The following LINGO2 variants were observed in gnomAD, a reference collection of about 807,000 sequenced individuals.
LINGO2 encodes the protein leucine-rich repeat and immunoglobulin-like domain-containing nogo receptor-interacting protein 2.
In LINGO2, 14 loss-of-function variants were observed where a neutral mutation model predicts 30.6. The observed-to-expected ratio is 0.46, with a 90% CI of 0.30 to 0.72. The LOEUF is 0.72. Ranked by LOEUF, LINGO2 falls within the 30% of genes least tolerant of loss-of-function variation. The pLI is 0.07. For synonymous variants in LINGO2, 317 were observed against 288.5 expected (o/e 1.10, Z -1.00); for missense variants, 729 against 751.7 (o/e 0.97, Z 0.35).
chr9:28,238,928 ATAAT>A (rs1277787934), intron 4 of LINGO2, among the ~76,000 whole-genome samples: 1 of 152,136 alleles, frequency 6.6e-6, no homozygotes, highest in East Asian at 1.9e-4. Flanking sequence ...GGAGACCCAA[ATAAT>A]TAAAACCAGA....
chr9:28,587,698 C>A (rs1363612585), intron 1 of LINGO2, among the ~76,000 whole-genome samples: 4 of 151,584 alleles, frequency 2.6e-5, no homozygotes, highest in African/African-American at 9.7e-5. Flanking sequence ...GAATAGATGC[C>A]ACGTAGGCCA....
chr9:28,124,781 G>T (rs1259969572), intron 4 of LINGO2, among the ~76,000 whole-genome samples: 1 of 152,148 alleles, frequency 6.6e-6, no homozygotes, highest in Non-Finnish European at 1.5e-5. Context: ...TACAGGAAAA[G>T]AAAAACAGGA....
chr9:28,166,822 T>C (rs1828440448), intron 4 of LINGO2, among the ~76,000 whole-genome samples: 1 of 152,144 alleles, frequency 6.6e-6, no homozygotes, highest in Non-Finnish European at 1.5e-5. Context: ...AGTGAATTTA[T>C]GGATTCTATC....
chr9:28,675,147 G>C (rs915426960), upstream of LINGO2, among the ~76,000 whole-genome samples: 1 of 152,142 alleles, frequency 6.6e-6, no homozygotes, highest in African/African-American at 2.4e-5. Context: ...AATTATGTGA[G>C]AAAGGCGGTA....
At chr9:29,076,621 AT>A in the LINGO2 span, among the ~76,000 whole-genome samples, 11 of 95,640 alleles carry the variant, frequency 1.2e-4, no homozygotes, top group Non-Finnish European at 2.1e-4. Context: ...AATAGATATA[AT>A]AAATAAATAA....
chr9:28,725,159 C>T, the LINGO2 span, among the ~76,000 whole-genome samples: 1 of 151,618 alleles, frequency 6.6e-6, no homozygotes, highest in Non-Finnish European at 1.5e-5. Flanking sequence ...GAAATAAAGG[C>T]CAATATGAAC....
the LINGO2 span, among the ~76,000 whole-genome samples, chr9:28,776,749 A>T: frequency 1.3e-5 from 2 of 152,160 alleles, no homozygotes; most frequent in African/African-American, 4.8e-5. Flanking sequence ...TGGTCAAGTA[A>T]ATAAGCAATA....
At chr9:28,040,999 CAG>C (rs1415451817) in intron 4 of LINGO2, among the ~76,000 whole-genome samples, 1 of 152,170 alleles carries the variant, frequency 6.6e-6, no homozygotes, top group Non-Finnish European at 1.5e-5. Flanking sequence ...GTATCTATAG[CAG>C]AGAGGACTTC....
At chr9:28,639,819 C>T (rs897137394) in intron 1 of LINGO2, among the ~76,000 whole-genome samples, 6 of 152,144 alleles carry the variant, frequency 3.9e-5, no homozygotes, top group African/African-American at 1.4e-4. Context: ...AGCCTATTTA[C>T]ATTTAAGGTT....
At chr9:29,052,802 A>G in the LINGO2 span, among the ~76,000 whole-genome samples, 1 of 152,088 alleles carries the variant, frequency 6.6e-6, no homozygotes, top group East Asian at 1.9e-4. Flanking sequence ...TCCATTCAAT[A>G]TTTACATTAG....
At chr9:28,169,398 A>G (rs537285387) in intron 4 of LINGO2, among the ~76,000 whole-genome samples, 3 of 152,352 alleles carry the variant, frequency 2.0e-5, no homozygotes, top group African/African-American at 7.2e-5. Flanking sequence ...AGAATTTCCA[A>G]TCAGAATAAG....
intron 1 of LINGO2, among the ~76,000 whole-genome samples, chr9:28,625,570 C>T (rs776461723): frequency 6.6e-6 from 1 of 152,122 alleles, no homozygotes; most frequent in Non-Finnish European, 1.5e-5. Context: ...TCTTGCTCCA[C>T]ATCTCTATGA....
intron 1 of LINGO2, among the ~76,000 whole-genome samples, chr9:28,588,247 C>T (rs554750628): frequency 1.3e-5 from 2 of 151,918 alleles, no homozygotes; most frequent in Admixed American, 6.6e-5. Flanking sequence ...TTAATATGGT[C>T]CAAAGGAAAG....
intron 1 of LINGO2, among the ~76,000 whole-genome samples, chr9:28,494,388 C>T (rs576704775): frequency 6.6e-6 from 1 of 152,194 alleles, no homozygotes; most frequent in African/African-American, 2.4e-5. Context: ...CCACTACAGG[C>T]CTCAGTATGT....
chr9:28,643,542 G>C (rs1733147199), intron 1 of LINGO2, among the ~76,000 whole-genome samples: 1 of 152,018 alleles, frequency 6.6e-6, no homozygotes, highest in African/African-American at 2.4e-5. Context: ...AAGTCAAAAT[G>C]AATTAAAGAC....
chr9:28,413,667 G>T (rs1189680660), intron 2 of LINGO2, among the ~76,000 whole-genome samples: 1 of 152,076 alleles, frequency 6.6e-6, no homozygotes, highest in Admixed American at 6.6e-5. Context: ...GGGTTCAACA[G>T]ATTACTTCTG....
chr9:28,050,793 A>G (rs1824637399), intron 4 of LINGO2, among the ~76,000 whole-genome samples: 1 of 150,960 alleles, frequency 6.6e-6, no homozygotes, highest in African/African-American at 2.4e-5. Flanking sequence ...TAATTCATAC[A>G]TGTTGATATA....
At chr9:28,267,347 C>G (rs1822788422) in intron 4 of LINGO2, among the ~76,000 whole-genome samples, 2 of 150,420 alleles carry the variant, frequency 1.3e-5, no homozygotes, top group Non-Finnish European at 2.9e-5. Context: ...TTCAACTTTC[C>G]TCACTTATTC....
chr9:29,035,115 A>C, the LINGO2 span, among the ~76,000 whole-genome samples: 9 of 152,280 alleles, frequency 5.9e-5, no homozygotes, highest in East Asian at 7.7e-4. Context: ...GAATATACAT[A>C]AGACATAAAG....
Sources: allele counts gnomAD v4.1 joint callset (sites outside exome capture counted in the v4.1 genomes callset), GRCh38; gene constraint gnomAD v4.1.1; transcripts MANE v1.5; gene names NCBI Gene and HGNC (gene_info 2026-07-23, HGNC 2026-07-21).